Variants in MYH11 observed in about 807,000 individuals in gnomAD.
MYH11 encodes myosin-11.
MYH11 carries 80 observed loss-of-function variants against 246.6 expected under a neutral mutation model. The ratio of observed to expected loss-of-function variants is 0.32; its 90% CI spans 0.27 to 0.39. The LOEUF is 0.39. Ranked by LOEUF, MYH11 falls within the 10% of genes least tolerant of loss-of-function variation. MYH11 has a pLI of 1.00. For synonymous variants in MYH11, 1,071 were observed against 1,015.5 expected, an observed-to-expected ratio of 1.05 and a Z score of -1.04; for missense variants, 2,158 against 2,546.8, an observed-to-expected ratio of 0.85 and a Z score of 3.29.
intron 26 of MYH11, among the ~76,000 whole-genome samples, chr16:15,733,837 C>G (rs1388160815): frequency 6.6e-6 from 1 of 152,228 alleles, no homozygotes; most frequent in East Asian, 1.9e-4. Context: ...GCCACCATAC[C>G]TGGCCCATGC....
chr16:15,740,333 C>G (rs1033225267), intron 22 of MYH11, 145 bp from the exon 23 acceptor site: 1 of 1,284,174 alleles, frequency 7.8e-7, no homozygotes, highest in African/African-American at 1.5e-5. Context: ...AAGGCCTGAG[C>G]GTGGTGGCTC....
chr16:15,766,757 CA>C (rs931320392), intron 9 of MYH11, among the ~76,000 whole-genome samples: 1 of 152,172 alleles, frequency 6.6e-6, no homozygotes, highest in African/African-American at 2.4e-5. Context: ...CATTGGTTTG[CA>C]CTTTCTGGTA....
At chr16:15,745,320 C>G (rs996096416) in intron 19 of MYH11, 83 bp from the exon 20 acceptor site, 21 of 952,142 alleles carry the variant, frequency 2.2e-5, no homozygotes, top group Non-Finnish European at 3.5e-5. Context: ...GCATCCTGAA[C>G]CTGCACAGGG....
rs1567667806 is a variant in MYH11, at chr16:15,703,635, C to T, written c.*356G>A. On this transcript the variant is annotated 3_prime_UTR_variant, in exon 41 of 41. Transcript: ENST00000300036. Reference sequence around the variant, plus strand: ...TGAGACAGGGTCTCTGTTGCCCAGGCTGGAGTGCAATGATGCAATTATAGC... The same window carrying T: ...TGAGACAGGGTCTCTGTTGCCCAGGTTGGAGTGCAATGATGCAATTATAGC... 9.8e-6 allele frequency: 4 copies of T among 409,348 alleles called. No homozygotes were observed. The highest frequency in any genetic ancestry group is 4.7e-4 in the Middle Eastern group (1 of 2,108). 25.4% of individuals were successfully genotyped at this position (409,348 alleles called of 1,614,324 possible).
At chr16:15,784,400 G>C (rs539826796) in intron 5 of MYH11, among the ~76,000 whole-genome samples, 1 of 152,172 alleles carries the variant, frequency 6.6e-6, no homozygotes, top group Non-Finnish European at 1.5e-5. Flanking sequence ...AGGAGCGGAT[G>C]CTTTGAAGGG....
intron 4 of MYH11, among the ~76,000 whole-genome samples, chr16:15,795,304 C>G (rs953292918): frequency 2.7e-5 from 4 of 146,240 alleles, no homozygotes; most frequent in African/African-American, 7.6e-5. Flanking sequence ...ACAAAAAAAT[C>G]AACAACAACA....
intron 3 of MYH11, among the ~76,000 whole-genome samples, chr16:15,816,969 C>T (rs1567196281): frequency 1.3e-5 from 2 of 152,222 alleles, no homozygotes; most frequent in East Asian, 3.9e-4. Flanking sequence ...TGATATGTAA[C>T]ATCCTCTGGC....
At chr16:15,780,474 C>CTT (rs71134460) in intron 6 of MYH11, among the ~76,000 whole-genome samples, 28,554 of 69,022 alleles carry the variant, frequency 0.41, 8,835 homozygotes, top group East Asian at 0.54. Flanking sequence ...GATTTTTACG[C>CTT]TTTTTTTTTT....
chr16:15,733,326 C>T (rs1286186788), intron 26 of MYH11, among the ~76,000 whole-genome samples: 4 of 152,132 alleles, frequency 2.6e-5, no homozygotes, highest in South Asian at 2.1e-4. Flanking sequence ...CTCCACCTCC[C>T]GGGTTCAAGC....
intron 3 of MYH11, among the ~76,000 whole-genome samples, chr16:15,801,685 G>A (rs1016811630): frequency 8.0e-5 from 12 of 149,086 alleles, no homozygotes; most frequent in East Asian, 2.0e-4. Flanking sequence ...GGATGGGTGC[G>A]GTGGCTCACA....
chr16:15,718,763 C>G, intron 36 of MYH11: 1 of 462,366 alleles, frequency 2.2e-6, no homozygotes, highest in Non-Finnish European at 4.0e-6. Context: ...CATGAAAGCG[C>G]TGACGGAAAA....
chr16:15,703,319 AAAGGCCTGACGTGAG>A lies in MYH11; in HGVS notation c.*657_*671del. ...ACCAGGAGAGGGGGAAAGAATTCTC[AAAGGCCTGACGTGAG>A]AAGTTGGAAAGGTTTGCAGGTTAGG... On this transcript the variant is annotated 3_prime_UTR_variant, in exon 41 of 41. Coordinates refer to ENST00000300036, the MANE Select transcript of MYH11 (RefSeq NM_002474.3). 4.4e-6 allele frequency: 1 copy of A among 229,242 alleles called. No homozygotes were observed. The allele number at this position is 229,242 out of a possible 1,614,324, so 14.2% of individuals were successfully genotyped here.
intron 40 of MYH11, among the ~76,000 whole-genome samples, chr16:15,708,303 C>T (rs573430826): frequency 3.3e-5 from 5 of 152,174 alleles, no homozygotes; most frequent in African/African-American, 4.8e-5. Flanking sequence ...CCGCAGTTAC[C>T]GTGAACTTTG....
At chr16:15,737,870 G>A (rs1170751976) in intron 24 of MYH11, among the ~76,000 whole-genome samples, 3 of 152,124 alleles carry the variant, frequency 2.0e-5, no homozygotes, top group African/African-American at 7.2e-5. Flanking sequence ...TCAGCTCACT[G>A]CAACCTCCGC....
intron 4 of MYH11, among the ~76,000 whole-genome samples, chr16:15,788,272 G>GT (rs1403346008): frequency 6.6e-6 from 1 of 150,634 alleles, no homozygotes; most frequent in African/African-American, 2.4e-5. Context: ...GTTTACTTTT[G>GT]TTTTTTGTGT....
At chr16:15,722,699 G>A (rs572983885) in intron 31 of MYH11, among the ~76,000 whole-genome samples, 1 of 152,278 alleles carries the variant, frequency 6.6e-6, no homozygotes, top group African/African-American at 2.4e-5. Flanking sequence ...GGAGGGGTAG[G>A]GAACCTGCAG....
intron 3 of MYH11, among the ~76,000 whole-genome samples, chr16:15,821,918 C>G (rs1006756972): frequency 1.0e-5 from 1 of 99,498 alleles, no homozygotes; most frequent in Non-Finnish European, 2.1e-5. Context: ...GAGCGAGACT[C>G]CGTCTCAAAA....
At chr16:15,729,279 A>C (rs2040889782) in intron 27 of MYH11, among the ~76,000 whole-genome samples, 3 of 152,124 alleles carry the variant, frequency 2.0e-5, no homozygotes, top group Admixed American at 2.0e-4. Context: ...CCCCACAAGC[A>C]GATGGAACCA....
Position 15,778,781 on chromosome 16 carries a change from G to A in MYH11, c.789C>T (p.Thr263=), listed in dbSNP as rs1445935980. Reference sequence around the variant, plus strand: ...GGCCCAGGCTCAGGGAAAGGATACAGGTCTCAATGTTGGCTCCCACGATGT... The same window carrying A: ...GGCCCAGGCTCAGGGAAAGGATACAAGTCTCAATGTTGGCTCCCACGATGT... ...TGYIVGANIE[T]YLLEKSRAIR... is the part of the protein sequence containing the mutation. Residue 263 remains threonine, a splice_region_variant and synonymous_variant, in exon 7 of 41, where the codon ACC becomes ACT. Transcript: ENST00000300036. 6.2e-7 allele frequency: 1 copy of A among 1,614,004 alleles called. No homozygotes were observed. Among genetic ancestry groups the A allele is most frequent in the Non-Finnish European group, 8.5e-7 (1 of 1,180,024 alleles).
Sources: gnomAD v4.1 joint callset for allele counts (sites outside exome capture counted in the v4.1 genomes callset) on GRCh38, gnomAD v4.1.1 for gene constraint, MANE v1.5 for transcripts, NCBI Gene and HGNC (gene_info 2026-07-23, HGNC 2026-07-21) for gene names.